The following LRP1B variants were observed in gnomAD, a reference collection of about 807,000 sequenced individuals.
LRP1B encodes LDL receptor related protein 1B, also known as low-density lipoprotein receptor-related protein 1B.
LRP1B carries 217 observed loss-of-function variants against 556.6 expected under a neutral mutation model. The observed-to-expected ratio is 0.39, with a 90% CI of 0.35 to 0.44. LRP1B has a LOEUF of 0.44. Ranked by LOEUF, LRP1B falls within the 20% of genes least tolerant of loss-of-function variation. The pLI, the probability that LRP1B is intolerant of heterozygous loss-of-function variation, is 1.00. For synonymous variants in LRP1B, 2,047 were observed against 1,865.8 expected (o/e 1.10, Z -2.50); for missense variants, 5,053 against 5,620.8 (o/e 0.90, Z 3.23).
Position 140,905,222 on chromosome 2 carries a change from G to A in LRP1B, c.3521-2057C>T, listed in dbSNP as rs945837633. 5.3e-5 allele frequency among the ~76,000 whole-genome samples: 8 copies of A among 151,402 alleles called. 2 individuals are homozygous for A. The highest frequency in any genetic ancestry group is 4.2e-4 in the South Asian group (2 of 4,794). The stretch of plus-strand genomic sequence containing the variant: ...TCATCCTGCTGCCCTCACCTCCACC[G>A]CCCCCCTCCCCAAGCCCCTGGGCCA... On this transcript the variant is annotated intron_variant, in intron 22 of 90. Transcript: ENST00000389484.
chr2:141,010,108 T>C (rs942389641), intron 14 of LRP1B, among the ~76,000 whole-genome samples: 1 of 152,188 alleles, frequency 6.6e-6, no homozygotes, highest in East Asian at 1.9e-4. Flanking sequence ...TCTTAGTTAA[T>C]AAATGTCTTC....
intron 22 of LRP1B, among the ~76,000 whole-genome samples, chr2:140,907,301 C>T (rs547257473): frequency 6.6e-6 from 1 of 152,092 alleles, no homozygotes; most frequent in African/African-American, 2.4e-5. Context: ...AGAAAGATTG[C>T]TAGTCAACGT....
chr2:140,290,158 T>C (rs1683315697), intron 84 of LRP1B, among the ~76,000 whole-genome samples: 1 of 151,940 alleles, frequency 6.6e-6, no homozygotes, highest in Non-Finnish European at 1.5e-5. Flanking sequence ...ATGAATGATA[T>C]GAATATAAAG....
intron 1 of LRP1B, among the ~76,000 whole-genome samples, chr2:142,127,168 C>T (rs766172276): frequency 1.8e-4 from 27 of 151,960 alleles, no homozygotes; most frequent in Non-Finnish European, 3.2e-4. Context: ...CTGCAATATT[C>T]TCATGTCTCT....
chr2:142,070,369 T>C (rs1396719491), intron 1 of LRP1B, among the ~76,000 whole-genome samples: 1 of 151,838 alleles, frequency 6.6e-6, no homozygotes, highest in Non-Finnish European at 1.5e-5. Context: ...AACTGAGGCT[T>C]AGTGAGGAGG....
At chr2:141,332,091 G>A (rs1474531893) in intron 3 of LRP1B, among the ~76,000 whole-genome samples, 1 of 151,806 alleles carries the variant, frequency 6.6e-6, no homozygotes, top group Non-Finnish European at 1.5e-5. Flanking sequence ...CAACTATGGA[G>A]CTATTCTGTA....
chr2:140,504,403 A>T (rs535384334), intron 53 of LRP1B, among the ~76,000 whole-genome samples: 1 of 152,202 alleles, frequency 6.6e-6, no homozygotes, highest in East Asian at 1.9e-4. Flanking sequence ...TCTGTATGAA[A>T]TCCTCTCCTG....
At chr2:141,619,944 G>C (rs1688443194) in intron 2 of LRP1B, among the ~76,000 whole-genome samples, 1 of 152,106 alleles carries the variant, frequency 6.6e-6, no homozygotes, top group Admixed American at 6.6e-5. Flanking sequence ...CTTATAATTG[G>C]CTATTTTAAA....
At chr2:141,367,785 C>T (rs762507802) in intron 3 of LRP1B, among the ~76,000 whole-genome samples, 1 of 151,774 alleles carries the variant, frequency 6.6e-6, no homozygotes, top group Non-Finnish European at 1.5e-5. Context: ...CCGTGCCCAG[C>T]CTGGAATGAA....
intron 5 of LRP1B, among the ~76,000 whole-genome samples, chr2:141,237,558 C>A (rs1683694121): frequency 6.6e-6 from 1 of 152,006 alleles, no homozygotes; most frequent in African/African-American, 2.4e-5. Context: ...AGGTAAACTA[C>A]TGATAAACCT....
At chr2:140,470,914 T>G (rs143709350) in intron 60 of LRP1B, among the ~76,000 whole-genome samples, 85 of 152,242 alleles carry the variant, frequency 5.6e-4, no homozygotes, top group Admixed American at 1.0e-3. Flanking sequence ...AAGGTTTGCT[T>G]TCTCCAGTTT....
intron 3 of LRP1B, among the ~76,000 whole-genome samples, chr2:141,453,217 A>G (rs1573961767): frequency 6.6e-6 from 1 of 152,268 alleles, no homozygotes; most frequent in Admixed American, 6.5e-5. Flanking sequence ...AGCCTGGGTG[A>G]CAAAGTGAGA....
rs145278684 is a variant in LRP1B at position 141,604,866 on chromosome 2, C to G, written c.206-124333G>C. Among the ~76,000 whole-genome samples the G allele has an allele frequency of 2.0e-5, 3 of 152,098 alleles. No homozygotes were observed. In the East Asian group the frequency reaches 5.9e-4, roughly 30 times the overall value. ...CCTCAGCCTTCAATTGTCAGCCTAT[C>G]CTTTTTCTACTTGGATGCGAGACAA... On this transcript the variant is annotated intron_variant, in intron 2 of 90. Transcript: ENST00000389484.
chr2:140,493,760 C>A (rs1042609818), intron 56 of LRP1B, among the ~76,000 whole-genome samples: 1 of 151,610 alleles, frequency 6.6e-6, no homozygotes, highest in East Asian at 1.9e-4. Context: ...TATTTTTCTC[C>A]CCTTGTCTTT....
intron 32 of LRP1B, among the ~76,000 whole-genome samples, chr2:140,812,691 C>G (rs569272613): frequency 3.3e-5 from 5 of 151,460 alleles, no homozygotes; most frequent in Middle Eastern, 3.4e-3. Context: ...AAATTTTTAC[C>G]TATATAAATA....
chr2:141,690,161 ACTTCCAACTG>A (rs1391267297), intron 2 of LRP1B, among the ~76,000 whole-genome samples: 4 of 151,376 alleles, frequency 2.6e-5, no homozygotes, highest in Non-Finnish European at 5.9e-5. Context: ...CAAAAGTTTG[ACTTCCAACTG>A]CTTTTTCAGT....
At chr2:140,709,850 T>G in intron 37 of LRP1B, among the ~76,000 whole-genome samples, 1 of 152,100 alleles carries the variant, frequency 6.6e-6, no homozygotes, top group Non-Finnish European at 1.5e-5. Context: ...TACAAGAATC[T>G]TCATTTTTAA....
intron 1 of LRP1B, among the ~76,000 whole-genome samples, chr2:141,894,941 G>C (rs550191054): frequency 1.3e-5 from 2 of 151,474 alleles, no homozygotes; most frequent in Admixed American, 1.3e-4. Flanking sequence ...CCAGCTACTT[G>C]GGTGGCTGAG....
chr2:141,208,969 A>G (rs1468849221), intron 6 of LRP1B, among the ~76,000 whole-genome samples: 1 of 151,346 alleles, frequency 6.6e-6, no homozygotes, highest in Non-Finnish European at 1.5e-5. Context: ...CTTTAAAACA[A>G]TATTATCAAA....
Sources: gnomAD v4.1 joint callset for allele counts (sites outside exome capture counted in the v4.1 genomes callset) on GRCh38, gnomAD v4.1.1 for gene constraint, MANE v1.5 for transcripts, NCBI Gene and HGNC (gene_info 2026-07-23, HGNC 2026-07-21) for gene names.